The following SLC1A6 variants were observed in gnomAD, a reference collection of about 807,000 sequenced individuals.
The protein encoded by SLC1A6 is solute carrier family 1 member 6, also known as excitatory amino acid transporter 4.
A neutral mutation model predicts 42.1 loss-of-function variants in SLC1A6; 15 were observed. The ratio of observed to expected loss-of-function variants is 0.36; its 90% confidence interval spans 0.24 to 0.55. SLC1A6 has a LOEUF of 0.55. SLC1A6 is among the 20% of genes least tolerant of loss of function. The pLI is 0.88. For missense variants in SLC1A6, 542 were observed against 772.5 expected (o/e 0.70, Z 3.54); for synonymous variants, 317 against 319.7 (o/e 0.99, Z 0.09).
At chr19:15,000,770 T>C (rs931703950) in intron 1 of SLC1A6, among the ~76,000 whole-genome samples, 2 of 152,198 alleles carry the variant, frequency 1.3e-5, no homozygotes, top group African/African-American at 4.8e-5. Flanking sequence ...CTTATACACA[T>C]GGCCAACTTG....
At chr19:14,958,735 A>G (rs538847770) in intron 6 of SLC1A6, among the ~76,000 whole-genome samples, 228 of 151,926 alleles carry the variant, frequency 1.5e-3, no homozygotes, top group African/African-American at 5.3e-3. Flanking sequence ...ATGATTTCTT[A>G]CCCCCTACAC....
chr19:14,975,801 C>CGGAAG (rs1568294545), intron 1 of SLC1A6, among the ~76,000 whole-genome samples: 1 of 92,452 alleles, frequency 1.1e-5, no homozygotes, highest in African/African-American at 4.1e-5. Flanking sequence ...GGGAAGGGAA[C>CGGAAG]GGAAGGGAAG....
chr19:14,958,521 G>A (rs1599986584), intron 6 of SLC1A6, among the ~76,000 whole-genome samples: 1 of 152,234 alleles, frequency 6.6e-6, no homozygotes, highest in Non-Finnish European at 1.5e-5. Flanking sequence ...CAAAAATGAG[G>A]ATGCACGGGG....
In SLC1A6 at chr19:14,979,002, G is replaced by C. The variant is rs1439020837; in HGVS notation, c.-8+307C>G. 1.4e-5 allele frequency among the ~76,000 whole-genome samples: 2 copies of C among 145,202 alleles called. No individual in the cohort carries two copies. The highest frequency in any genetic ancestry group is 5.1e-5 in the African/African-American group (2 of 38,956). ...TTTAAACATTCAGCTCCACACACCT[G>C]TTCAGGACGGCGATCCCACTCACAA... On this transcript the variant is annotated intron_variant, in intron 1 of 9. Transcript: ENST00000594383. The surrounding 1 kb of genome is among the most constrained non-coding windows in gnomAD (Gnocchi z 4.2).
At chr19:15,008,164 G>A (rs1343530000) in intron 1 of SLC1A6, among the ~76,000 whole-genome samples, 2 of 152,018 alleles carry the variant, frequency 1.3e-5, no homozygotes, top group Non-Finnish European at 2.9e-5. Context: ...GGCAATGTTA[G>A]CAAGACTCTG....
chr19:14,951,580 G>A (rs1251204429), intron 9 of SLC1A6, among the ~76,000 whole-genome samples: 3 of 151,748 alleles, frequency 2.0e-5, no homozygotes, highest in South Asian at 4.2e-4. Flanking sequence ...GCAGTGGTGC[G>A]ATCTCGGCTC....
chr19:14,960,816 TA>T, intron 6 of SLC1A6, among the ~76,000 whole-genome samples: 1 of 152,216 alleles, frequency 6.6e-6, no homozygotes, highest in South Asian at 2.1e-4. Context: ...AAATTTCAGT[TA>T]AATAGGAGAA....
At chr19:14,955,197 A>T (rs2045450674) in intron 7 of SLC1A6, among the ~76,000 whole-genome samples, 1 of 152,194 alleles carries the variant, frequency 6.6e-6, no homozygotes, top group Non-Finnish European at 1.5e-5. Context: ...TGACTATGTG[A>T]GTTTAATTCT....
At chr19:14,964,954 G>A (rs538172389) in intron 4 of SLC1A6, among the ~76,000 whole-genome samples, 1 of 151,968 alleles carries the variant, frequency 6.6e-6, no homozygotes, top group Non-Finnish European at 1.5e-5. Context: ...TGGGGGAAAG[G>A]GGACACTTAC....
chr19:14,999,793 A>G (rs1600038616), intron 1 of SLC1A6, among the ~76,000 whole-genome samples: 1 of 152,300 alleles, frequency 6.6e-6, no homozygotes, highest in East Asian at 1.9e-4. Flanking sequence ...CTTCAATACA[A>G]TAGTCAATAA....
At chr19:15,004,553 A>AAAAAAAAG (rs60251760) in intron 1 of SLC1A6, among the ~76,000 whole-genome samples, 1 of 150,826 alleles carries the variant, frequency 6.6e-6, no homozygotes, top group African/African-American at 2.4e-5. Flanking sequence ...AAAAAAAAAA[A>AAAAAAAAG]GTCAATTGTG....
rs2045828086 is a variant in SLC1A6 at position 14,992,968 on chromosome 19, T to G, written c.6+17517A>C. Among the ~76,000 whole-genome samples the G allele has an allele frequency of 1.3e-5, 2 of 152,036 alleles. 1 individual carries two copies. Among genetic ancestry groups the G allele is most frequent in the Admixed American group, 1.3e-4 (2 of 15,256 alleles). Reference sequence around the variant, plus strand: ...GGCATCCCCGCAGCCCCCAGAGTCATTAAAGGAGAGGGAGTCTCATTATCG... The same window carrying G: ...GGCATCCCCGCAGCCCCCAGAGTCAGTAAAGGAGAGGGAGTCTCATTATCG... On this transcript the variant is annotated intron_variant, in intron 1 of 8. Transcript: ENST00000430939.
At chr19:14,971,568 G>A (rs191699575) in intron 3 of SLC1A6, among the ~76,000 whole-genome samples, 169 bp downstream of exon 3, 42 of 152,312 alleles carry the variant, frequency 2.8e-4, no homozygotes, top group African/African-American at 8.7e-4. Context: ...ACCTGGGACC[G>A]ATTGGGACCT....
intron 1 of SLC1A6, among the ~76,000 whole-genome samples, chr19:14,986,389 G>A (rs539522925): frequency 7.9e-5 from 12 of 151,822 alleles, no homozygotes; most frequent in African/African-American, 2.7e-4. Flanking sequence ...CAGCATGGTG[G>A]GGGGTGCCTG....
At chr19:14,952,675 G>A (rs1196747435) in intron 9 of SLC1A6, among the ~76,000 whole-genome samples, 1 of 152,038 alleles carries the variant, frequency 6.6e-6, no homozygotes, top group East Asian at 1.9e-4. Flanking sequence ...CATAAAACAG[G>A]TAAAAGAGGA....
At chr19:14,978,406 T>G (rs1309454839) in intron 1 of SLC1A6, 1 of 152,128 alleles carries the variant, frequency 6.6e-6, no homozygotes, top group Non-Finnish European at 1.5e-5. Flanking sequence ...TCACACACAC[T>G]CAGACACACA....
At chr19:14,962,569 A>G (rs931713200) in intron 5 of SLC1A6, among the ~76,000 whole-genome samples, 2 of 152,178 alleles carry the variant, frequency 1.3e-5, no homozygotes, top group Non-Finnish European at 2.9e-5. Context: ...ATGAATCAGT[A>G]AACCCATTAT....
chr19:14,995,461 G>A (rs975820803), intron 1 of SLC1A6, among the ~76,000 whole-genome samples: 5 of 151,956 alleles, frequency 3.3e-5, no homozygotes, highest in African/African-American at 9.7e-5. Flanking sequence ...GTTGGTCAAA[G>A]GATGCCAAAT....
intron 1 of SLC1A6, among the ~76,000 whole-genome samples, chr19:15,006,952 G>GA (rs926805255): frequency 1.3e-4 from 19 of 151,770 alleles, no homozygotes; most frequent in Admixed American, 5.9e-4. Flanking sequence ...GATCCTGTCT[G>GA]AAAAAATAAA....
Sources: allele counts gnomAD v4.1 joint callset (sites outside exome capture counted in the v4.1 genomes callset), GRCh38; gene constraint gnomAD v4.1.1; non-coding constraint Gnocchi (gnomAD v3.1); transcripts MANE v1.5; gene names NCBI Gene and HGNC (gene_info 2026-07-23, HGNC 2026-07-21).